INPP4B: variants seen among roughly 807,000 people sequenced by gnomAD.
The protein encoded by INPP4B is inositol polyphosphate-4-phosphatase type II B.
Under a neutral mutation model 122.5 loss-of-function variants are expected in INPP4B, and 55 were observed. The observed-to-expected ratio is 0.45, with a 90% CI of 0.36 to 0.56. The LOEUF is 0.56. Among genes scored for constraint, INPP4B ranks in the 20% least tolerant of loss-of-function variants. The pLI is 0.00. For missense variants in INPP4B, 1,000 were observed against 1,097.7 expected (o/e 0.91, Z 1.26); for synonymous variants, 403 against 388.7 (o/e 1.04, Z -0.43).
At chr4:142,225,183 C>T (rs368467512) in intron 12 of INPP4B, among the ~76,000 whole-genome samples, 39 of 152,144 alleles carry the variant, frequency 2.6e-4, no homozygotes, top group South Asian at 1.2e-3. Flanking sequence ...CTGAGTCTTC[C>T]GGCCTTCATC....
chr4:142,601,843 C>T (rs1740016284), intron 2 of INPP4B, among the ~76,000 whole-genome samples: 1 of 151,332 alleles, frequency 6.6e-6, no homozygotes, highest in Non-Finnish European at 1.5e-5. Flanking sequence ...GTGGCGGGGG[C>T]CTATAGTCCT....
At chr4:142,662,651 G>A (rs1216611129) in intron 2 of INPP4B, among the ~76,000 whole-genome samples, 1 of 152,136 alleles carries the variant, frequency 6.6e-6, no homozygotes, top group African/African-American at 2.4e-5. Flanking sequence ...AGGCACCAGA[G>A]TATGGTGGAA....
At chr4:142,239,030 T>C (rs570133081) in intron 11 of INPP4B, among the ~76,000 whole-genome samples, 5 of 152,100 alleles carry the variant, frequency 3.3e-5, no homozygotes, top group Non-Finnish European at 5.9e-5. Context: ...ATACTGAACA[T>C]GGTATGTCGG....
chr4:142,405,189 G>T lies in INPP4B; in HGVS notation c.255+17C>A, dbSNP rs1029030121. On this transcript the variant is annotated intron_variant, in intron 6 of 25. Transcript: ENST00000262992. Reference sequence around the variant, plus strand: ...AGAGAGAGAGAGAGAGATTAATGTAGGCACACAGCATCTCACCTCCACAAT... The same window carrying T: ...AGAGAGAGAGAGAGAGATTAATGTATGCACACAGCATCTCACCTCCACAAT... 3 of 1,325,280 alleles carry T rather than the reference G, an allele frequency of 2.3e-6. No homozygotes were observed. Among genetic ancestry groups the T allele is most frequent in the Admixed American group, 1.7e-5 (1 of 58,078 alleles). 82.1% of individuals were successfully genotyped at this position (1,325,280 alleles called of 1,614,324 possible). A position where few individuals can be genotyped will look rare whatever the true frequency, so the allele number is the denominator to read the frequency against.
rs890102219 is a variant in INPP4B, at chr4:142,711,713, C to A, written c.-191+14126G>T. Among the ~76,000 whole-genome samples the A allele has an allele frequency of 2.0e-5, 3 of 152,202 alleles. No homozygotes were observed. The East Asian group carries it at 5.8e-4, about 29-fold the overall frequency. ...TGGGGACTTTGGAAAGTGATTAAGT[C>A]ATGAGGACAGAGCCTTTATGGATGA... is the stretch of plus-strand genomic sequence containing the variant. On this transcript the variant is annotated intron_variant, in intron 2 of 25. Coordinates refer to ENST00000262992, the MANE Select transcript of INPP4B (RefSeq NM_001101669.3).
At chr4:142,822,714 T>G (rs1042488970) in intron 1 of INPP4B, among the ~76,000 whole-genome samples, 3 of 152,060 alleles carry the variant, frequency 2.0e-5, no homozygotes, top group Admixed American at 6.6e-5. Context: ...CCAGACAAAA[T>G]ATATTGCCTT....
In INPP4B at chr4:142,615,019, A is replaced by T. The variant is rs199869603; in HGVS notation, c.-191+110820T>A. On this transcript the variant is annotated intron_variant, in intron 2 of 25. Coordinates refer to ENST00000262992, the MANE Select transcript of INPP4B (RefSeq NM_001101669.3). ...GAACTAAAAATAGAACTACCCTTTG[A>T]TTCAGAAATTTCACTACTGAGTATC... is the stretch of plus-strand genomic sequence containing the variant. 5.9e-5 allele frequency among the ~76,000 whole-genome samples: 9 copies of T among 152,336 alleles called. No individual in the cohort carries two copies. The East Asian group carries it at 1.7e-3, about 29-fold the overall frequency.
At chr4:142,586,178 C>G (rs924372927) in intron 2 of INPP4B, among the ~76,000 whole-genome samples, 2 of 151,942 alleles carry the variant, frequency 1.3e-5, no homozygotes, top group Non-Finnish European at 2.9e-5. Context: ...GGCATAATGG[C>G]TTCCGGACCT....
intron 2 of INPP4B, among the ~76,000 whole-genome samples, chr4:142,550,305 G>C (rs1029276506): frequency 6.6e-6 from 1 of 151,990 alleles, no homozygotes; most frequent in Non-Finnish European, 1.5e-5. Context: ...TGCATAGTCT[G>C]GAAGACAAAT....
At chr4:142,761,135 T>TTTGC (rs1771274640) in intron 1 of INPP4B, among the ~76,000 whole-genome samples, 1 of 152,032 alleles carries the variant, frequency 6.6e-6, no homozygotes, top group Non-Finnish European at 1.5e-5. Context: ...ACCTAATTAT[T>TTTGC]TTGCTTATAT....
At chr4:142,236,664 T>C (rs1024171220) in intron 12 of INPP4B, among the ~76,000 whole-genome samples, 1 of 152,170 alleles carries the variant, frequency 6.6e-6, no homozygotes, top group Non-Finnish European at 1.5e-5. Context: ...TTCCCTGAAA[T>C]TGGGGTTCTG....
chr4:142,664,661 A>G (rs541191234), intron 2 of INPP4B, among the ~76,000 whole-genome samples: 49 of 152,230 alleles, frequency 3.2e-4, no homozygotes, highest in African/African-American at 1.2e-3. Context: ...TTTTTAATTG[A>G]AAGGAAAGCA....
At chr4:142,764,395 A>T (rs973856135) in intron 1 of INPP4B, among the ~76,000 whole-genome samples, 1 of 152,144 alleles carries the variant, frequency 6.6e-6, no homozygotes, top group Admixed American at 6.6e-5. Flanking sequence ...ATAATAAAAA[A>T]TTCAAGGCAA....
At chr4:142,273,344 C>T (rs187360232) in intron 9 of INPP4B, among the ~76,000 whole-genome samples, 118 of 151,930 alleles carry the variant, frequency 7.8e-4, no homozygotes, top group African/African-American at 2.7e-3. Context: ...AGAAATTTTA[C>T]TGAAATCGAT....
chr4:142,367,178 T>C (rs1480290211), intron 7 of INPP4B, among the ~76,000 whole-genome samples: 3 of 128,668 alleles, frequency 2.3e-5, no homozygotes, highest in African/African-American at 8.7e-5. Flanking sequence ...TGTGTATGTA[T>C]ACATGTAATA....
intron 2 of INPP4B, among the ~76,000 whole-genome samples, chr4:142,581,554 TA>T (rs1394195087): frequency 3.4e-4 from 6 of 17,404 alleles, no homozygotes; most frequent in African/African-American, 7.0e-4. Context: ...GTTCCATTTC[TA>T]TCTATTAGAA....
intron 10 of INPP4B, among the ~76,000 whole-genome samples, chr4:142,264,708 C>T (rs1741927142): frequency 6.6e-6 from 1 of 152,098 alleles, no homozygotes; most frequent in Admixed American, 6.5e-5. Flanking sequence ...GAATTTAAGA[C>T]TCAAGATTAA....
intron 25 of INPP4B, among the ~76,000 whole-genome samples, chr4:142,072,045 T>C (rs1767727587): frequency 6.6e-6 from 1 of 152,190 alleles, no homozygotes; most frequent in Admixed American, 6.5e-5. Context: ...CACATATGTT[T>C]ATTGTGGCAC....
At chr4:142,307,643 T>C (rs1304508339) in intron 8 of INPP4B, among the ~76,000 whole-genome samples, 3 of 152,356 alleles carry the variant, frequency 2.0e-5, no homozygotes, top group African/African-American at 7.2e-5. Context: ...AGTATGCAGA[T>C]CGTATACTGC....
Sources: gnomAD v4.1 joint callset for allele counts (sites outside exome capture counted in the v4.1 genomes callset) on GRCh38, gnomAD v4.1.1 for gene constraint, MANE v1.5 for transcripts, NCBI Gene and HGNC (gene_info 2026-07-23, HGNC 2026-07-21) for gene names.